The following CSMD1 variants were observed in gnomAD, a reference collection of about 807,000 sequenced individuals.
CSMD1 encodes CUB and sushi domain-containing protein 1.
CSMD1 carries 213 observed loss-of-function variants against 417.5 expected under a neutral mutation model. The observed-to-expected ratio is 0.51, with a 90% CI of 0.46 to 0.57. The LOEUF is 0.57. CSMD1 is among the 20% of genes least tolerant of loss of function. The pLI is 0.00. For synonymous variants in CSMD1, 2,862 were observed against 1,736.8 expected (o/e 1.65, Z -16.11); for missense variants, 6,923 against 4,529.7 (o/e 1.53, Z -15.17).
At chr8:4,552,212 G>T (rs944325167) in intron 2 of CSMD1, among the ~76,000 whole-genome samples, 1 of 152,044 alleles carries the variant, frequency 6.6e-6, no homozygotes. Flanking sequence ...TATGTAGCTT[G>T]GTCTCAATGT....
intron 1 of CSMD1, among the ~76,000 whole-genome samples, chr8:4,836,193 T>A (rs1800477086): frequency 1.3e-5 from 2 of 152,196 alleles, no homozygotes; most frequent in South Asian, 4.1e-4. Flanking sequence ...GTGAATTGAT[T>A]CAGGCATTCA....
chr8:3,257,278 C>T (rs374079133), intron 26 of CSMD1, among the ~76,000 whole-genome samples: 18 of 152,276 alleles, frequency 1.2e-4, no homozygotes, highest in South Asian at 2.1e-4. Context: ...AAGCCAAAAC[C>T]GTGCCACTGC....
At chr8:4,317,997 G>A (rs1435634544) in intron 3 of CSMD1, among the ~76,000 whole-genome samples, 7 of 152,106 alleles carry the variant, frequency 4.6e-5, no homozygotes, top group Non-Finnish European at 1.5e-5. Flanking sequence ...TAAATATTTG[G>A]ATATACAATT....
intron 56 of CSMD1, among the ~76,000 whole-genome samples, chr8:2,973,712 G>C (rs1042595334): frequency 1.7e-4 from 26 of 151,612 alleles, no homozygotes; most frequent in African/African-American, 5.6e-4. Flanking sequence ...TCAGAATTGT[G>C]TCCAGAGTTG....
intron 42 of CSMD1, chr8:3,113,128 A>T (rs539115420): frequency 6.6e-6 from 1 of 152,336 alleles, no homozygotes; most frequent in Admixed American, 6.5e-5. Flanking sequence ...CTTTCCCTGA[A>T]GGCGGGGTTC....
At chr8:3,703,360 A>C (rs1320508165) in intron 7 of CSMD1, among the ~76,000 whole-genome samples, 1 of 152,092 alleles carries the variant, frequency 6.6e-6, no homozygotes, top group Non-Finnish European at 1.5e-5. Context: ...TTCACAAAAG[A>C]CTCATCAGAT....
intron 2 of CSMD1, among the ~76,000 whole-genome samples, chr8:4,558,187 A>T (rs1798178425): frequency 6.6e-6 from 1 of 152,176 alleles, no homozygotes; most frequent in Non-Finnish European, 1.5e-5. Flanking sequence ...GCATCTAAAC[A>T]AGAGCAGGAT....
chr8:3,305,976 G>C (rs62504392), intron 25 of CSMD1, among the ~76,000 whole-genome samples: 6,770 of 151,904 alleles, frequency 0.045, 210 homozygotes, highest in African/African-American at 0.089. Flanking sequence ...CACTGCACCC[G>C]GCCCCACAGT....
At chr8:4,031,201 C>A (rs1037242115) in intron 4 of CSMD1, among the ~76,000 whole-genome samples, 23 of 152,212 alleles carry the variant, frequency 1.5e-4, no homozygotes, top group Admixed American at 1.5e-3. Flanking sequence ...GAGTACCCCA[C>A]TCCTGGTACC....
In CSMD1 at chr8:3,745,846, C is replaced by G. The variant is rs115325904; in HGVS notation, c.931+8084G>C. Among the ~76,000 whole-genome samples the G allele has an allele frequency of 6.9e-3, 1,048 of 152,320 alleles. 12 individuals carry two copies. Among genetic ancestry groups the G allele is most frequent in the Middle Eastern group, 0.034 (10 of 294 alleles). On this transcript the variant is annotated intron_variant, in intron 6 of 69. Coordinates refer to ENST00000635120, the MANE Select transcript of CSMD1 (RefSeq NM_033225.6). ...TGGTTTCCCTACAGCTGTGAATAAT[C>G]TGTGGTTTCCCCACATTATCATGTA...
intron 5 of CSMD1, among the ~76,000 whole-genome samples, chr8:3,939,992 T>C (rs1810766155): frequency 1.3e-5 from 2 of 152,044 alleles, no homozygotes; most frequent in Admixed American, 1.3e-4. Flanking sequence ...AAACCACCTG[T>C]ACCCCAAAAA....
intron 3 of CSMD1, among the ~76,000 whole-genome samples, chr8:4,170,706 T>G (rs961199601): frequency 1.3e-5 from 2 of 151,796 alleles, no homozygotes; most frequent in African/African-American, 4.9e-5. Context: ...TAAACTGATA[T>G]AGCTAGCATG....
chr8:4,199,121 G>A lies in CSMD1; in HGVS notation c.416-167022C>T, dbSNP rs146433465. Among the ~76,000 whole-genome samples, 282 of 152,244 alleles carry A rather than the reference G, an allele frequency of 1.9e-3. 4 individuals are homozygous for A. The highest frequency in any genetic ancestry group is 3.1e-4 in the Non-Finnish European group (21 of 68,028). ...ACCCTGAGCTTCTGCTGTCCGTAAA[G>A]TTCTCATATATTTGTATGAGACTGC... On this transcript the variant is annotated intron_variant, in intron 3 of 69. Coordinates refer to ENST00000635120, the MANE Select transcript of CSMD1 (RefSeq NM_033225.6).
chr8:4,026,464 T>A (rs1159806598), intron 4 of CSMD1, among the ~76,000 whole-genome samples: 1 of 152,162 alleles, frequency 6.6e-6, no homozygotes, highest in Non-Finnish European at 1.5e-5. Flanking sequence ...CAGATACGAT[T>A]ATGGAAATTT....
intron 49 of CSMD1, among the ~76,000 whole-genome samples, chr8:3,061,991 G>A (rs1049717164): frequency 7.9e-5 from 12 of 152,008 alleles, no homozygotes; most frequent in African/African-American, 2.7e-4. Context: ...CTGTCTCTGG[G>A]CTACACCTGA....
chr8:3,648,619 C>T (rs1054085032), intron 7 of CSMD1, among the ~76,000 whole-genome samples: 6 of 152,120 alleles, frequency 3.9e-5, no homozygotes, highest in African/African-American at 9.7e-5. Context: ...TTCCCAAGAA[C>T]GAGTTTCTCT....
chr8:4,947,851 G>A (rs573293282), intron 1 of CSMD1, among the ~76,000 whole-genome samples: 2 of 152,124 alleles, frequency 1.3e-5, no homozygotes, highest in South Asian at 4.1e-4. Context: ...TATCCTCACT[G>A]CTATACAAAA....
At chr8:4,719,891 T>C (rs1457845068) in intron 1 of CSMD1, among the ~76,000 whole-genome samples, 1 of 152,102 alleles carries the variant, frequency 6.6e-6, no homozygotes, top group Non-Finnish European at 1.5e-5. Flanking sequence ...GGCTCACATA[T>C]CTATATTCGA....
intron 3 of CSMD1, among the ~76,000 whole-genome samples, chr8:4,036,039 C>G (rs1423738339): frequency 6.6e-6 from 1 of 152,154 alleles, no homozygotes; most frequent in Non-Finnish European, 1.5e-5. Flanking sequence ...GACACATATA[C>G]TGACCATTAT....
Sources: allele counts gnomAD v4.1 joint callset (sites outside exome capture counted in the v4.1 genomes callset), GRCh38; gene constraint gnomAD v4.1.1; transcripts MANE v1.5; gene names NCBI Gene and HGNC (gene_info 2026-07-23, HGNC 2026-07-21).